The following ZZEF1 variants were observed in gnomAD, a reference collection of about 807,000 sequenced individuals.
ZZEF1 encodes the protein zinc finger ZZ-type and EF-hand domain-containing protein 1.
A neutral mutation model predicts 342.8 loss-of-function variants in ZZEF1; 157 were observed. That is an observed-to-expected ratio of 0.46 (90% CI 0.40 to 0.52). The LOEUF is 0.52. Ranked by LOEUF, ZZEF1 falls within the 20% of genes least tolerant of loss-of-function variation. ZZEF1 has a pLI of 0.00. For synonymous variants in ZZEF1, 1,505 were observed against 1,429.1 expected, an observed-to-expected ratio of 1.05 and a Z score of -1.20; for missense variants, 3,480 against 3,725.6, an observed-to-expected ratio of 0.93 and a Z score of 1.72.
chr17:4,132,199 C>T (rs201196880), intron 1 of ZZEF1, among the ~76,000 whole-genome samples: 2 of 117,858 alleles, frequency 1.7e-5, no homozygotes, highest in East Asian at 3.3e-4. Context: ...CCTAAATTTT[C>T]TCTTTTTTTT....
In ZZEF1 at chr17:4,066,435, T is replaced by C; in HGVS notation, c.4249+12A>G. ...AAGGCTCAGGGACAACAGCTGGTGT[T>C]AGCACACTCACCCAGGCTCTCAGGG... On this transcript the variant is annotated intron_variant, in intron 28 of 54. Transcript: ENST00000381638. The C allele has an allele frequency of 1.2e-6, 2 of 1,613,804 alleles. No individual in the cohort carries two copies. The highest frequency in any genetic ancestry group is 1.7e-6 in the Non-Finnish European group (2 of 1,179,700).
Position 4,104,689 on chromosome 17 carries a change from G to A in ZZEF1, c.1517C>T (p.Ala506Val). 6.2e-7 allele frequency: 1 copy of A among 1,614,046 alleles called. No individual in the cohort carries two copies. The highest frequency in any genetic ancestry group is 8.5e-7 in the Non-Finnish European group (1 of 1,179,958). ...ITDHLDTQYD[A>V]SSLILSMASV... ...CGCCATGGACAAGATGAGGGATGAG[G>A]CATCATACTGCGTGTCCAGATGGTC... is the stretch of plus-strand genomic sequence containing the variant. The change falls in exon 8 of 55, where the codon GCC (alanine) becomes GTC (valine). Residue 506 changes from alanine to valine, a missense_variant. By Grantham distance (64) the Ala-to-Val change is moderately conservative. Coordinates refer to ENST00000381638, the MANE Select transcript of ZZEF1 (RefSeq NM_015113.4).
chr17:4,113,684 T>C (rs1597911513), intron 4 of ZZEF1, among the ~76,000 whole-genome samples: 1 of 140,398 alleles, frequency 7.1e-6, no homozygotes, highest in Non-Finnish European at 1.5e-5. Flanking sequence ...AAAAGAAGTA[T>C]AGAAAGGGAC....
At position 4,016,592 on chromosome 17, in the gene ZZEF1, G is replaced by A. The variant is rs1208388684; in HGVS notation, c.8002-126C>T. On this transcript the variant is annotated intron_variant, in intron 48 of 54. Coordinates refer to ENST00000381638, the MANE Select transcript of ZZEF1 (RefSeq NM_015113.4). This position sits in a 1 kb window ranked among gnomAD's most constrained non-coding sequence, Gnocchi z 4.4. ...TCTTAGACCTAGGACGAGCCTCTGT[G>A]ACTCCACCACCCAAAACCAACTCCA... The A allele has an allele frequency of 8.3e-7, 1 of 1,202,786 alleles. No individual in the cohort carries two copies. Among genetic ancestry groups the A allele is most frequent in the African/African-American group, 1.5e-5 (1 of 65,150 alleles). 74.5% of individuals were successfully genotyped at this position (1,202,786 alleles called of 1,614,324 possible).
chr17:4,139,715 T>A (rs1428657759), intron 1 of ZZEF1, among the ~76,000 whole-genome samples: 1 of 152,254 alleles, frequency 6.6e-6, no homozygotes, highest in Admixed American at 6.5e-5. Flanking sequence ...CGGTGGCCAC[T>A]GTGAGATTAT....
Position 4,036,732 on chromosome 17 carries a change from C to CAA in ZZEF1, c.6307-2442_6307-2441dup, listed in dbSNP as rs112646423. ...GGCGACAAGAGGGAAACTCCATCTTCAAAAAAAAAAAAGAGAATCACTGCT... is the reference window on the plus strand; with the variant it reads ...GGCGACAAGAGGGAAACTCCATCTTCAAAAAAAAAAAAAAGAGAATCACTGCT... On this transcript the variant is annotated intron_variant, in intron 39 of 54. Coordinates refer to ENST00000381638, the MANE Select transcript of ZZEF1 (RefSeq NM_015113.4). 1.3e-3 allele frequency among the ~76,000 whole-genome samples: 148 copies of CAA among 116,156 alleles called. No individual in the cohort carries two copies. In the East Asian group the frequency reaches 0.022, roughly 17 times the overall value. 76.2% of individuals were successfully genotyped at this position (116,156 alleles called of 152,430 possible). A position where few individuals can be genotyped will look rare whatever the true frequency, so the allele number is the denominator to read the frequency against.
At chr17:4,093,262 C>T (rs1051515925) in intron 11 of ZZEF1, among the ~76,000 whole-genome samples, 2 of 152,144 alleles carry the variant, frequency 1.3e-5, no homozygotes, top group East Asian at 3.8e-4. Context: ...CTAGTTATTA[C>T]TTTAAAAGAA....
At chr17:4,120,840 T>C (rs79513441) in intron 2 of ZZEF1, among the ~76,000 whole-genome samples, 1 of 152,238 alleles carries the variant, frequency 6.6e-6, no homozygotes, top group African/African-American at 2.4e-5. Flanking sequence ...GCTGAAACAT[T>C]TGGTAAATTA....
At chr17:4,024,653 A>G (rs536367332) in intron 43 of ZZEF1, among the ~76,000 whole-genome samples, 82 of 152,280 alleles carry the variant, frequency 5.4e-4, no homozygotes, top group African/African-American at 1.8e-3. Context: ...AAACTTTTCA[A>G]TTTTTCTTCT....
In ZZEF1 at chr17:4,008,454, A is replaced by T. The variant is rs545364837; in HGVS notation, c.8805+429T>A. ...TCTAATGGCACATATGGATATATGCATAATAGACATATCCAAAAGCTTTCT... is the reference window on the plus strand; with the variant it reads ...TCTAATGGCACATATGGATATATGCTTAATAGACATATCCAAAAGCTTTCT... On this transcript the variant is annotated intron_variant, in intron 54 of 54. Transcript: ENST00000381638. This position sits in a 1 kb window ranked among gnomAD's most constrained non-coding sequence, Gnocchi z 4.2. 2.9e-5 allele frequency: 24 copies of T among 840,676 alleles called. 1 individual carries two copies. The highest frequency in any genetic ancestry group is 3.4e-5 in the Non-Finnish European group (24 of 695,656). The allele number at this position is 840,676 out of a possible 1,614,324, so 52.1% of individuals were successfully genotyped here. A position where few individuals can be genotyped will look rare whatever the true frequency, so the allele number is the denominator to read the frequency against.
At chr17:4,050,657 AG>A in intron 36 of ZZEF1, 123 bp downstream of exon 36, 1 of 1,384,138 alleles carries the variant, frequency 7.2e-7, no homozygotes, top group Non-Finnish European at 9.9e-7. Flanking sequence ...CACCAGGGTA[AG>A]CCCCTTTTGT....
chr17:4,118,847 C>T (rs140948984), intron 2 of ZZEF1, among the ~76,000 whole-genome samples: 1 of 152,190 alleles, frequency 6.6e-6, no homozygotes, highest in Non-Finnish European at 1.5e-5. Context: ...ATTTCCCACC[C>T]CCTGGCACAC....
At chr17:4,057,273 G>A (rs1222841102) in intron 32 of ZZEF1, among the ~76,000 whole-genome samples, 1 of 152,200 alleles carries the variant, frequency 6.6e-6, no homozygotes, top group Non-Finnish European at 1.5e-5. Context: ...CTCCAACAGC[G>A]AGGCGACAGC....
intron 9 of ZZEF1, among the ~76,000 whole-genome samples, chr17:4,097,518 T>C (rs1376482478): frequency 1.3e-5 from 2 of 148,332 alleles, no homozygotes; most frequent in Non-Finnish European, 3.0e-5. Flanking sequence ...CTGGGTGTCC[T>C]AGCCAACATA....
chr17:4,032,034 G>A (rs1424820398), intron 42 of ZZEF1, 92 bp downstream of exon 42: 1 of 1,394,076 alleles, frequency 7.2e-7, no homozygotes, highest in East Asian at 2.4e-5. Flanking sequence ...TCACACGCAG[G>A]CCAAGAGCCA....
At chr17:4,134,807 G>A (rs2058722484) in intron 1 of ZZEF1, among the ~76,000 whole-genome samples, 1 of 152,102 alleles carries the variant, frequency 6.6e-6, no homozygotes, top group African/African-American at 2.4e-5. Flanking sequence ...CCGAGACAGG[G>A]AGGGGCGTTA....
intron 2 of ZZEF1, among the ~76,000 whole-genome samples, chr17:4,118,725 C>T (rs961032687): frequency 2.6e-5 from 4 of 152,120 alleles, no homozygotes; most frequent in South Asian, 4.1e-4. Context: ...GTAGGAGGGG[C>T]GAAATACAGC....
intron 30 of ZZEF1, among the ~76,000 whole-genome samples, chr17:4,061,284 G>T (rs1202164751): frequency 6.6e-6 from 1 of 152,012 alleles, no homozygotes; most frequent in African/African-American, 2.4e-5. Context: ...TTGACTTCTG[G>T]GACAACAGCA....
chr17:4,055,395 T>C (rs2057135787), intron 33 of ZZEF1, among the ~76,000 whole-genome samples: 1 of 152,258 alleles, frequency 6.6e-6, no homozygotes, highest in South Asian at 2.1e-4. Flanking sequence ...AGGCAGCAGA[T>C]GCTTGGCACA....
Sources: allele counts gnomAD v4.1 joint callset (sites outside exome capture counted in the v4.1 genomes callset), GRCh38; gene constraint gnomAD v4.1.1; non-coding constraint Gnocchi (gnomAD v3.1); transcripts MANE v1.5; gene names NCBI Gene and HGNC (gene_info 2026-07-23, HGNC 2026-07-21).